SPAG17: variants seen among roughly 807,000 people sequenced by gnomAD.
SPAG17 encodes the protein sperm-associated antigen 17.
SPAG17 carries 169 observed loss-of-function variants against 273.6 expected under a neutral mutation model. The observed-to-expected ratio is 0.62, with a 90% CI of 0.55 to 0.70. The LOEUF (loss-of-function observed/expected upper bound fraction) is 0.70, where lower values mean the gene tolerates loss of function less well. SPAG17 is among the 30% of genes least tolerant of loss of function. The pLI, the probability that SPAG17 is intolerant of heterozygous loss-of-function variation, is 0.00. For synonymous variants in SPAG17, 825 were observed against 873.2 expected (o/e 0.94, Z 0.97); for missense variants, 2,557 against 2,627.8 (o/e 0.97, Z 0.59).
At chr1:117,954,187 C>A in intron 48 of SPAG17, 138 bp from the exon 49 acceptor site, 1 of 1,076,394 alleles carries the variant, frequency 9.3e-7, no homozygotes, top group African/African-American at 1.6e-5. Context: ...TAACTAAGAT[C>A]AGGATATGCA....
intron 30 of SPAG17, 132 bp downstream of exon 30, chr1:118,012,096 T>C: frequency 1.4e-6 from 1 of 731,296 alleles, no homozygotes; most frequent in Non-Finnish European, 2.1e-6. Context: ...ATGGCATGGG[T>C]TTTCTTTAGT....
rs554166414 is a variant in SPAG17, at chr1:117,978,147, C to A, written c.6004+3123G>T. ...ATTTGACCTCACTGAGGTCTCTCAC[C>A]AACACTTCACCTTACACAAGCAGTC... On this transcript the variant is annotated intron_variant, in intron 43 of 48. Coordinates refer to ENST00000336338, the MANE Select transcript of SPAG17 (RefSeq NM_206996.4). Among the ~76,000 whole-genome samples, 3 of 152,284 alleles carry A rather than the reference C, an allele frequency of 2.0e-5. No individual in the cohort carries two copies. The East Asian group carries it at 5.8e-4, about 29-fold the overall frequency.
chr1:118,027,934 A>G (rs557189029), intron 26 of SPAG17, among the ~76,000 whole-genome samples: 30 of 152,328 alleles, frequency 2.0e-4, no homozygotes, highest in South Asian at 4.1e-4. Context: ...ACAAGTTTTT[A>G]AGAGCACTGG....
chr1:117,959,190 A>G lies in SPAG17; in HGVS notation c.*4609T>C. On this transcript the variant is annotated intron_variant, in intron 48 of 48. Coordinates refer to ENST00000336338, the MANE Select transcript of SPAG17 (RefSeq NM_206996.4). The stretch of plus-strand genomic sequence containing the variant: ...GAAAAGTTCTTAATGAGGGAAAGAT[A>G]AGTAACAACACCTGAAGCTTTGGTT... The G allele has an allele frequency of 6.3e-6, 9 of 1,435,538 alleles. No homozygotes were observed. In the South Asian group the frequency reaches 7.0e-5, roughly 11 times the overall value. 88.9% of individuals were successfully genotyped at this position (1,435,538 alleles called of 1,614,324 possible). A position where few individuals can be genotyped will look rare whatever the true frequency, so the allele number is the denominator to read the frequency against.
intron 1 of SPAG17, among the ~76,000 whole-genome samples, chr1:118,171,197 T>A (rs780232495): frequency 1.7e-4 from 26 of 152,124 alleles, no homozygotes; most frequent in Non-Finnish European, 3.4e-4. Flanking sequence ...TCATGGTCAA[T>A]GAGTTGTATA....
chr1:118,041,562 C>T (rs1293144815), intron 21 of SPAG17, among the ~76,000 whole-genome samples: 1 of 151,852 alleles, frequency 6.6e-6, no homozygotes, highest in African/African-American at 2.4e-5. Context: ...GTTTATTGAC[C>T]TTAGCTAGGT....
rs776252758 is a variant in SPAG17 at position 117,953,666 on chromosome 1, G to A, written c.*384C>T. 2 of 857,048 alleles carry A rather than the reference G, an allele frequency of 2.3e-6. No homozygotes were observed. The highest frequency in any genetic ancestry group is 2.6e-5 in the Admixed American group (1 of 38,014). The allele number at this position is 857,048 out of a possible 1,614,324, so 53.1% of individuals were successfully genotyped here. The stretch of plus-strand genomic sequence containing the variant: ...AAAAGTTGATGAGATTTAAAGATGG[G>A]GATTATAACCTGTTTCCTTCTCTTG... On this transcript the variant is annotated 3_prime_UTR_variant, in exon 49 of 49. Coordinates refer to ENST00000336338, the MANE Select transcript of SPAG17 (RefSeq NM_206996.4).
At chr1:118,119,049 C>A (rs1657263224) in intron 3 of SPAG17, among the ~76,000 whole-genome samples, 3 of 152,298 alleles carry the variant, frequency 2.0e-5, no homozygotes, top group South Asian at 4.1e-4. Flanking sequence ...CATTAGTAAG[C>A]ACAAGCCCAA....
At chr1:117,985,511 AC>A (rs1475814073) in intron 40 of SPAG17, among the ~76,000 whole-genome samples, 1 of 152,232 alleles carries the variant, frequency 6.6e-6, no homozygotes, top group Non-Finnish European at 1.5e-5. Flanking sequence ...GAAATGATGT[AC>A]TAAGAATGAT....
At chr1:117,968,088 A>G (rs1375885023) in intron 46 of SPAG17, among the ~76,000 whole-genome samples, 1 of 152,216 alleles carries the variant, frequency 6.6e-6, no homozygotes, top group Non-Finnish European at 1.5e-5. Context: ...AGAGAGCTGG[A>G]ATACTGCCAT....
intron 4 of SPAG17, 131 bp from the exon 5 acceptor site, chr1:118,102,057 A>T: frequency 1.3e-6 from 1 of 777,058 alleles, no homozygotes; most frequent in East Asian, 2.6e-5. Flanking sequence ...TATTCATTAT[A>T]TAAGTCAGCA....
At chr1:117,970,314 T>A (rs1351995439) in intron 45 of SPAG17, among the ~76,000 whole-genome samples, 198 bp from the exon 46 acceptor site, 1 of 152,148 alleles carries the variant, frequency 6.6e-6, no homozygotes, top group Non-Finnish European at 1.5e-5. Flanking sequence ...TTTCCAACAG[T>A]TTTCATCAGC....
In SPAG17 at chr1:118,085,501, T is replaced by C. The variant is rs986544397; in HGVS notation, c.1762+421A>G. 4.6e-5 allele frequency among the ~76,000 whole-genome samples: 7 copies of C among 152,350 alleles called. No homozygotes were observed. In the East Asian group the frequency reaches 1.4e-3, roughly 29 times the overall value. On this transcript the variant is annotated intron_variant, in intron 13 of 48. Transcript: ENST00000336338. ...AAGGACAGCATTGTCCTGGAAATTA[T>C]ATGCGTGCATGCGTGCGTGCATACG...
Position 118,028,266 on chromosome 1 carries a change from G to C in SPAG17, c.3730+8C>G, listed in dbSNP as rs1405529767. ...CTGCTTCCCCACCCTACCCCATATA[G>C]CACTTACCTGTAGATTCTTGTCCAA... On this transcript the variant is annotated splice_region_variant and intron_variant, in intron 26 of 48. Transcript: ENST00000336338. 2 of 1,612,376 alleles carry C rather than the reference G, an allele frequency of 1.2e-6. No individual in the cohort carries two copies. The highest frequency in any genetic ancestry group is 1.3e-5 in the African/African-American group (1 of 74,808).
chr1:118,042,956 T>C (rs1649942524), intron 20 of SPAG17, among the ~76,000 whole-genome samples: 1 of 152,178 alleles, frequency 6.6e-6, no homozygotes, highest in African/African-American at 2.4e-5. Context: ...CTTCCACCGT[T>C]AACATTATGA....
intron 43 of SPAG17, among the ~76,000 whole-genome samples, chr1:117,977,752 C>T (rs531989669): frequency 1.3e-5 from 2 of 152,244 alleles, no homozygotes; most frequent in African/African-American, 4.8e-5. Context: ...ATTTTTCCTC[C>T]TTCAAAGCTT....
rs1661134371 is a variant in SPAG17, at chr1:118,185,164, G to C, written c.-7C>G. The C allele has an allele frequency of 1.2e-6, 2 of 1,611,474 alleles. No homozygotes were observed. The highest frequency in any genetic ancestry group is 3.3e-5 in the Admixed American group (2 of 60,008). ...TCTCCTTCTTGGGTGCCATGCAAAG[G>C]ACGGGAGAAGCATTGGCCTCTAAAC... On this transcript the variant is annotated 5_prime_UTR_variant, in exon 1 of 49. Transcript: ENST00000336338.
intron 47 of SPAG17, chr1:117,964,150 A>G: frequency 2.2e-6 from 1 of 448,410 alleles, no homozygotes. Context: ...TCCCTAGTGT[A>G]CATTTCTCTC....
chr1:118,136,375 TC>T (rs1390388049), intron 3 of SPAG17, among the ~76,000 whole-genome samples: 3 of 152,144 alleles, frequency 2.0e-5, no homozygotes, highest in Admixed American at 6.5e-5. Context: ...TTCCTCACTC[TC>T]CCCGAATGCA....
Sources: allele counts gnomAD v4.1 joint callset (sites outside exome capture counted in the v4.1 genomes callset), GRCh38; gene constraint gnomAD v4.1.1; transcripts MANE v1.5; gene names NCBI Gene and HGNC (gene_info 2026-07-23, HGNC 2026-07-21).